Variants in ANKRD24 observed in about 807,000 individuals in gnomAD.
ANKRD24 encodes ankyrin repeat domain-containing protein 24.
A neutral mutation model predicts 127.8 loss-of-function variants in ANKRD24; 109 were observed. The ratio of observed to expected loss-of-function variants is 0.85; its 90% CI spans 0.73 to 1.00. The LOEUF (loss-of-function observed/expected upper bound fraction) is 1.00, where lower values mean the gene tolerates loss of function less well. Ranked by LOEUF, ANKRD24 falls within the 50% of genes least tolerant of loss-of-function variation. The pLI, the probability that ANKRD24 is intolerant of heterozygous loss-of-function variation, is 0.00. For missense variants in ANKRD24, 1,648 were observed against 1,570.2 expected (o/e 1.05, Z -0.84); for synonymous variants, 743 against 671.1 (o/e 1.11, Z -1.66).
In ANKRD24 at chr19:4,210,068, C is replaced by G. The variant is rs1969622859; in HGVS notation, c.881C>G (p.Ser294Cys). The change falls in exon 12 of 22, where the codon TCC (serine) becomes TGC (cysteine). Residue 294 changes from serine (S) to cysteine (C), a missense_variant. Transcript: ENST00000318934. Reference sequence around the variant, plus strand: ...CCCCTCCCTTCCCAGAACTCTATGTCCAGCCATGGAAAGCAGGGGGCCCCC... The same window carrying G: ...CCCCTCCCTTCCCAGAACTCTATGTGCAGCCATGGAAAGCAGGGGGCCCCC... ...SGEASSQNSMSSHGKQGAPKK... is the reference protein window; with the variant it reads ...SGEASSQNSMCSHGKQGAPKK... 1 of 1,611,478 alleles carries G rather than the reference C, an allele frequency of 6.2e-7. No homozygotes were observed. The highest frequency in any genetic ancestry group is 1.3e-5 in the African/African-American group (1 of 74,970).
intron 2 of ANKRD24, 88 bp downstream of exon 2, chr19:4,186,549 T>A (rs1968075513): frequency 7.0e-7 from 1 of 1,419,428 alleles, no homozygotes. Context: ...ACCCTTTCAT[T>A]CCAGTACCCA....
rs571673470 is a variant in ANKRD24 at position 4,200,100 on chromosome 19, T to C, written c.272T>C (p.Met91Thr). The C allele has an allele frequency of 1.3e-6, 2 of 1,599,560 alleles. No individual in the cohort carries two copies. Among genetic ancestry groups the C allele is most frequent in the East Asian group, 2.3e-5 (1 of 44,164 alleles). The change falls in exon 5 of 22, where the codon ATG (methionine) becomes ACG (threonine). Residue 91 changes from methionine to threonine, a missense_variant. By Grantham distance (81) the Met-to-Thr change is moderately conservative (BLOSUM62 -1). Coordinates refer to ENST00000318934, the MANE Select transcript of ANKRD24 (RefSeq NM_001393985.1). ...ACCTCCAGGTTCCACCTGGCGGCCA[T>C]GCGGGGTGCGGCCAGCTGTCTGGAG... is the stretch of plus-strand genomic sequence containing the variant. ...EGKSAFHLAA[M>T]RGAASCLEVM...
intron 15 of ANKRD24, among the ~76,000 whole-genome samples, chr19:4,214,272 A>G (rs537587848): frequency 1.3e-3 from 199 of 151,330 alleles, no homozygotes; most frequent in Non-Finnish European, 2.7e-3. Context: ...GCCTCAAGCA[A>G]TCCTCTCACC....
In ANKRD24 at chr19:4,200,094, C is replaced by A; in HGVS notation, c.266C>A (p.Ala89Glu). 3 of 1,594,100 alleles carry A rather than the reference C, an allele frequency of 1.9e-6. No homozygotes were observed. The highest frequency in any genetic ancestry group is 2.3e-5 in the East Asian group (1 of 43,874). The change falls in exon 5 of 22, where the codon GCG (alanine) becomes GAG (glutamate). Residue 89 changes from alanine to glutamate, a missense_variant. Coordinates refer to ENST00000318934, the MANE Select transcript of ANKRD24 (RefSeq NM_001393985.1). Reference protein sequence around the residue: ...DPEGKSAFHLAAMRGAASCLE... With the variant: ...DPEGKSAFHLEAMRGAASCLE... Reference sequence around the variant, plus strand: ...TCTCTCACCTCCAGGTTCCACCTGGCGGCCATGCGGGGTGCGGCCAGCTGT... The same window carrying A: ...TCTCTCACCTCCAGGTTCCACCTGGAGGCCATGCGGGGTGCGGCCAGCTGT...
rs1017809713 is a variant in ANKRD24 at position 4,198,576 on chromosome 19, A to G, written c.37-1107A>G. On this transcript the variant is annotated intron_variant, in intron 2 of 21. Coordinates refer to ENST00000318934, the MANE Select transcript of ANKRD24 (RefSeq NM_001393985.1). The surrounding 1 kb of genome is among the most constrained non-coding windows in gnomAD (Gnocchi z 6.1). The stretch of plus-strand genomic sequence containing the variant: ...GCGCAGGAGCGGGCGGGGCGCGGGT[A>G]CCTCCTCTCCCCTCCCTTCCCCGTC... The G allele has an allele frequency of 1.2e-5, 6 of 486,274 alleles. No homozygotes were observed. The Admixed American group carries it at 1.5e-4, about 12-fold the overall frequency. The allele number at this position is 486,274 out of a possible 1,614,324, so 30.1% of individuals were successfully genotyped here.
chr19:4,201,937 A>G (rs1179812266), intron 5 of ANKRD24, 89 bp from the exon 6 acceptor site: 9 of 1,151,046 alleles, frequency 7.8e-6, no homozygotes, highest in Non-Finnish European at 1.1e-5. Context: ...AGACTCAGAA[A>G]CTCATCACAA....
At chr19:4,215,255 G>C (rs1168790858) in intron 15 of ANKRD24, among the ~76,000 whole-genome samples, 1 of 152,242 alleles carries the variant, frequency 6.6e-6, no homozygotes, top group East Asian at 1.9e-4. Context: ...GGAGGCCAAG[G>C]CGGGTGGATC....
intron 2 of ANKRD24, among the ~76,000 whole-genome samples, chr19:4,193,712 G>A (rs1363351833): frequency 4.0e-5 from 6 of 151,684 alleles, no homozygotes; most frequent in South Asian, 2.1e-4. Context: ...TGGCGGGTGC[G>A]TGTAATCCCA....
At chr19:4,212,140 C>T (rs1005803909) in intron 13 of ANKRD24, among the ~76,000 whole-genome samples, 1 of 151,962 alleles carries the variant, frequency 6.6e-6, no homozygotes, top group Non-Finnish European at 1.5e-5. Context: ...ACGCAGCTTG[C>T]AGTGAGCCGA....
In ANKRD24 at chr19:4,224,604, C is replaced by G; in HGVS notation, c.*99C>G. ...CCGGCTTCACTTGGCTTCACTTGGC[C>G]CTATCCAGGCCCATGCACTTGGAGA... On this transcript the variant is annotated 3_prime_UTR_variant, in exon 22 of 22. Transcript: ENST00000318934. 1 of 1,165,922 alleles carries G rather than the reference C, an allele frequency of 8.6e-7. No individual in the cohort carries two copies. Among genetic ancestry groups the G allele is most frequent in the South Asian group, 1.3e-5 (1 of 74,570 alleles). 72.2% of individuals were successfully genotyped at this position (1,165,922 alleles called of 1,614,324 possible). A position where few individuals can be genotyped will look rare whatever the true frequency, so the allele number is the denominator to read the frequency against.
At chr19:4,186,556 C>T in intron 2 of ANKRD24, 95 bp downstream of exon 2, 2 of 1,360,478 alleles carry the variant, frequency 1.5e-6, no homozygotes, top group Non-Finnish European at 2.1e-6. Context: ...CATTCCAGTA[C>T]CCACCTCTTC....
At chr19:4,193,384 C>T (rs1818263179) in intron 2 of ANKRD24, among the ~76,000 whole-genome samples, 1 of 151,544 alleles carries the variant, frequency 6.6e-6, no homozygotes, top group African/African-American at 2.4e-5. Flanking sequence ...AGAGGCATCT[C>T]CAAGAGTGGA....
intron 7 of ANKRD24, 122 bp downstream of exon 7, chr19:4,203,048 CTTTCT>C: frequency 4.8e-5 from 40 of 824,910 alleles, no homozygotes; most frequent in Non-Finnish European, 6.7e-5. Context: ...TCCTTTCTTT[CTTTCT>C]TTTTTTTTTT....
intron 1 of ANKRD24, 109 bp from the exon 2 acceptor site, chr19:4,186,281 G>C: frequency 6.7e-7 from 1 of 1,498,328 alleles, no homozygotes; most frequent in Non-Finnish European, 8.9e-7. Context: ...TAGGGGCCAG[G>C]ACTGGTCAGG....
chr19:4,208,721 G>T (rs367858704), intron 10 of ANKRD24, 43 bp from the exon 11 acceptor site: 52 of 1,599,942 alleles, frequency 3.3e-5, no homozygotes, highest in Non-Finnish European at 4.1e-5. Context: ...CCCTTCCTGG[G>T]CCTGGGAACA....
chr19:4,219,515 G>A, intron 18 of ANKRD24, 76 bp from the exon 19 acceptor site: 2 of 1,483,536 alleles, frequency 1.3e-6, no homozygotes, highest in Non-Finnish European at 1.8e-6. Context: ...CAAAGTAGAA[G>A]GATCATATGA....
chr19:4,208,718 T>A (rs1969530710), intron 10 of ANKRD24, 46 bp from the exon 11 acceptor site: 1 of 1,595,466 alleles, frequency 6.3e-7, no homozygotes, highest in African/African-American at 1.3e-5. Flanking sequence ...ATGCCCTTCC[T>A]GGGCCTGGGA....
chr19:4,210,161 G>A, intron 12 of ANKRD24, 23 bp downstream of exon 12: 2 of 1,591,636 alleles, frequency 1.3e-6, no homozygotes, highest in Non-Finnish European at 8.6e-7. Context: ...CTGGGCACGG[G>A]AGGAGGCATG....
rs533332766 is a variant in ANKRD24 at position 4,189,037 on chromosome 19, C to T, written c.36+2576C>T. On this transcript the variant is annotated intron_variant, in intron 2 of 21. Transcript: ENST00000318934. ...GTTGGTCAGGCTGGTCTCGAGCTTC[C>T]GACCTCAGGTGATTTGCCCGCCTCA... Among the ~76,000 whole-genome samples the T allele has an allele frequency of 8.0e-5, 12 of 149,618 alleles. No individual in the cohort carries two copies. In the South Asian group the frequency reaches 2.3e-3, roughly 29 times the overall value.
Sources: gnomAD v4.1 joint callset for allele counts (sites outside exome capture counted in the v4.1 genomes callset) on GRCh38, gnomAD v4.1.1 for gene constraint, Gnocchi (gnomAD v3.1) non-coding constraint, MANE v1.5 for transcripts, NCBI Gene and HGNC (gene_info 2026-07-23, HGNC 2026-07-21) for gene names.